DIP2B: variants seen among roughly 807,000 people sequenced by gnomAD.
The protein encoded by DIP2B is DIP2 acetate--CoA ligase B (putative), also known as disco-interacting protein 2 homolog B.
In DIP2B, 76 loss-of-function variants were observed where a neutral mutation model predicts 198.0. That is an observed-to-expected ratio of 0.38 (90% CI 0.32 to 0.46). The LOEUF is 0.46. Ranked by LOEUF, DIP2B falls within the 20% of genes least tolerant of loss-of-function variation. The pLI is 0.99. For synonymous variants in DIP2B, 701 were observed against 739.1 expected (o/e 0.95, Z 0.84); for missense variants, 1,559 against 1,978.4 (o/e 0.79, Z 4.02).
chr12:50,698,932 G>A (rs1312404472), intron 18 of DIP2B, 134 bp from the exon 19 acceptor site: 2 of 928,996 alleles, frequency 2.2e-6, no homozygotes, highest in Admixed American at 5.6e-5. Flanking sequence ...TTTATGTTTA[G>A]CATTCCTGTC....
intron 3 of DIP2B, among the ~76,000 whole-genome samples, chr12:50,643,643 T>G (rs1025468453): frequency 1.3e-5 from 2 of 152,058 alleles, no homozygotes; most frequent in Admixed American, 1.3e-4. Context: ...ATTGCTCAAC[T>G]AAATAACGAA....
At chr12:50,581,608 C>G (rs1958724798) in intron 1 of DIP2B, among the ~76,000 whole-genome samples, 2 of 148,342 alleles carry the variant, frequency 1.3e-5, no homozygotes, top group Non-Finnish European at 3.0e-5. Context: ...GATTTCTCCT[C>G]CATAGCGTCT....
At chr12:50,739,804 A>C (rs1940208240) in intron 36 of DIP2B, among the ~76,000 whole-genome samples, 2 of 152,194 alleles carry the variant, frequency 1.3e-5, no homozygotes, top group Non-Finnish European at 2.9e-5. Context: ...GAGCATCCCG[A>C]GCTGTGAGTC....
At chr12:50,694,796 A>G (rs1939281603) in intron 14 of DIP2B, among the ~76,000 whole-genome samples, 1 of 152,070 alleles carries the variant, frequency 6.6e-6, no homozygotes, top group Non-Finnish European at 1.5e-5. Context: ...AATTGTCATT[A>G]ATAGGGAAAT....
intron 12 of DIP2B, among the ~76,000 whole-genome samples, chr12:50,689,783 G>T (rs1453509077): frequency 1.3e-5 from 2 of 152,138 alleles, no homozygotes; most frequent in Admixed American, 6.5e-5. Context: ...GGAATAAAGT[G>T]AAAAGAGATA....
intron 2 of DIP2B, among the ~76,000 whole-genome samples, chr12:50,634,217 C>G (rs1938116880): frequency 6.6e-6 from 1 of 152,142 alleles, no homozygotes. Context: ...TTGACTCTTT[C>G]TTTTGGCGTG....
chr12:50,526,125 C>T (rs1958162770), intron 1 of DIP2B, among the ~76,000 whole-genome samples: 1 of 152,152 alleles, frequency 6.6e-6, no homozygotes. Flanking sequence ...GAATAGAAGA[C>T]TCAATAGACA....
intron 1 of DIP2B, among the ~76,000 whole-genome samples, chr12:50,580,449 G>A (rs964834426): frequency 4.7e-5 from 7 of 147,718 alleles, no homozygotes; most frequent in South Asian, 2.2e-4. Context: ...GCCAAGAATG[G>A]TGCTCCTTAT....
chr12:50,652,529 C>T (rs1397447068), intron 3 of DIP2B, among the ~76,000 whole-genome samples: 1 of 151,500 alleles, frequency 6.6e-6, no homozygotes, highest in African/African-American at 2.4e-5. Context: ...GACTGAGACT[C>T]CATTTCAAAA....
chr12:50,681,949 T>C (rs892203399), intron 9 of DIP2B, among the ~76,000 whole-genome samples: 2 of 152,198 alleles, frequency 1.3e-5, no homozygotes, highest in Non-Finnish European at 2.9e-5. Context: ...AATTCAGAAG[T>C]TCAAAAGTGA....
intron 10 of DIP2B, among the ~76,000 whole-genome samples, chr12:50,684,739 T>G (rs1939105208): frequency 6.6e-6 from 1 of 150,518 alleles, no homozygotes; most frequent in South Asian, 2.1e-4. Context: ...TTGCAGTGAG[T>G]CAAGATTGCG....
intron 1 of DIP2B, among the ~76,000 whole-genome samples, chr12:50,613,068 C>G (rs905990231): frequency 3.3e-5 from 5 of 152,230 alleles, no homozygotes; most frequent in Non-Finnish European, 5.9e-5. Context: ...CGCAAACCCT[C>G]TCTTCCAACT....
intron 1 of DIP2B, among the ~76,000 whole-genome samples, chr12:50,520,118 G>A (rs4768883): frequency 0.99 from 147,290 of 148,986 alleles, 72,832 homozygotes; most frequent in East Asian, 1. Flanking sequence ...GCTCACTGCA[G>A]CCTCCGCCTC....
In DIP2B at chr12:50,625,988, A is replaced by T; in HGVS notation, c.113A>T (p.Gln38Leu). 6.2e-7 allele frequency: 1 copy of T among 1,614,176 alleles called. No homozygotes were observed. Among genetic ancestry groups the T allele is most frequent in the Non-Finnish European group, 8.5e-7 (1 of 1,180,002 alleles). The change falls in exon 2 of 38, where the codon CAG (glutamine) becomes CTG (leucine). Residue 38 changes from glutamine (Q) to leucine (L), a missense_variant. By Grantham distance (113) the Gln-to-Leu change is moderately radical. Coordinates refer to ENST00000301180, the MANE Select transcript of DIP2B (RefSeq NM_173602.3). ...CTTGCTATTTTAGGGGACATCACCC[A>T]GAAGGGCTATGAAAAGAAAAGGTCC... ...ELELSEGDIT[Q>L]KGYEKKRSKL...
At chr12:50,679,270 T>C in intron 8 of DIP2B, 1 of 182,288 alleles carries the variant, frequency 5.5e-6, no homozygotes, top group Non-Finnish European at 1.2e-5. Flanking sequence ...CAAAATTCTG[T>C]AATGAACAAA....
chr12:50,721,171 C>G, intron 25 of DIP2B, 102 bp from the exon 26 acceptor site: 1 of 1,482,124 alleles, frequency 6.7e-7, no homozygotes, highest in African/African-American at 1.4e-5. Context: ...GGATAATCTA[C>G]AAAAGCACAA....
At chr12:50,513,198 G>A (rs957907322) in intron 1 of DIP2B, among the ~76,000 whole-genome samples, 1 of 152,164 alleles carries the variant, frequency 6.6e-6, no homozygotes, top group African/African-American at 2.4e-5. Flanking sequence ...AGTAGAATAA[G>A]GTTATATATG....
Position 50,581,526 on chromosome 12 carries a change from G to C in DIP2B, c.101-44450G>C, listed in dbSNP as rs376024513. 1.3e-4 allele frequency among the ~76,000 whole-genome samples: 20 copies of C among 149,296 alleles called. 2 individuals are homozygous for C. The East Asian group carries it at 1.6e-3, about 12-fold the overall frequency. On this transcript the variant is annotated intron_variant, in intron 1 of 37. Coordinates refer to ENST00000301180, the MANE Select transcript of DIP2B (RefSeq NM_173602.3). The stretch of plus-strand genomic sequence containing the variant: ...GGGAGAGTAAAAAGAAATGTGGAAG[G>C]GGGTAGAGGAGATTGCTAGTAGAAT...
chr12:50,684,037 C>T (rs1939090980), intron 10 of DIP2B, among the ~76,000 whole-genome samples: 1 of 152,052 alleles, frequency 6.6e-6, no homozygotes, highest in Admixed American at 6.6e-5. Context: ...TGATTGAACC[C>T]AGGAGATTGA....
Sources: gnomAD v4.1 joint callset for allele counts (sites outside exome capture counted in the v4.1 genomes callset) on GRCh38, gnomAD v4.1.1 for gene constraint, MANE v1.5 for transcripts, NCBI Gene and HGNC (gene_info 2026-07-23, HGNC 2026-07-21) for gene names.